Variants in TASOR observed in about 807,000 individuals in gnomAD.
TASOR encodes the protein transcription activation suppressor, also known as protein TASOR.
Under a neutral mutation model 178.6 loss-of-function variants are expected in TASOR, and 53 were observed. The ratio of observed to expected loss-of-function variants is 0.30; its 90% CI spans 0.24 to 0.37. TASOR has a LOEUF of 0.37. Among genes scored for constraint, TASOR ranks in the 10% least tolerant of loss-of-function variants. The probability of loss-of-function intolerance (pLI) is 1.00; values close to 1 mark genes in which losing one functional copy is unlikely to be tolerated. For synonymous variants in TASOR, 713 were observed against 696.2 expected, an observed-to-expected ratio of 1.02 and a Z score of -0.38; for missense variants, 1,815 against 1,971.4, an observed-to-expected ratio of 0.92 and a Z score of 1.50.
chr3:56,652,640 C>T (rs1036838713), intron 11 of TASOR, among the ~76,000 whole-genome samples: 13 of 151,696 alleles, frequency 8.6e-5, no homozygotes, highest in Admixed American at 7.9e-4. Context: ...CAAAGAATAC[C>T]GGAATATAAT....
chr3:56,642,308 G>A (rs1461153127), intron 14 of TASOR, among the ~76,000 whole-genome samples: 2 of 152,142 alleles, frequency 1.3e-5, no homozygotes, highest in African/African-American at 4.8e-5. Flanking sequence ...AAATCTCCAC[G>A]AAATTTGCAT....
At chr3:56,669,282 T>A (rs2030407072) in intron 5 of TASOR, among the ~76,000 whole-genome samples, 1 of 152,032 alleles carries the variant, frequency 6.6e-6, no homozygotes, top group Non-Finnish European at 1.5e-5. Flanking sequence ...CGCGGGTGGA[T>A]CACGAAGTCA....
At chr3:56,658,984 G>A (rs917502419) in intron 11 of TASOR, among the ~76,000 whole-genome samples, 15 of 150,924 alleles carry the variant, frequency 9.9e-5, no homozygotes, top group African/African-American at 3.2e-4. Flanking sequence ...GTGTGTGCAC[G>A]CGTGTGTGTT....
intron 15 of TASOR, among the ~76,000 whole-genome samples, chr3:56,640,730 C>T (rs759771025): frequency 7.2e-5 from 11 of 152,074 alleles, no homozygotes; most frequent in African/African-American, 1.2e-4. Flanking sequence ...CATAGGAATA[C>T]GGTGCAATCC....
In TASOR at chr3:56,629,405, G is replaced by A. The variant is rs1277322699; in HGVS notation, c.3748-791C>T. On this transcript the variant is annotated intron_variant, in intron 18 of 23. Transcript: ENST00000683822. ...ATTCTAAGTAGGCCCTTGGTTATTTGCAGCAGTATTAACTGGGATAAACGC... is the reference window on the plus strand; with the variant it reads ...ATTCTAAGTAGGCCCTTGGTTATTTACAGCAGTATTAACTGGGATAAACGC... Among the ~76,000 whole-genome samples, 9 of 152,210 alleles carry A rather than the reference G, an allele frequency of 5.9e-5. 1 individual carries two copies. In the South Asian group the frequency reaches 6.2e-4, roughly 11 times the overall value.
Position 56,683,182 on chromosome 3 carries a change from C to A in TASOR, c.-176G>T, listed in dbSNP as rs2031959053. The A allele has an allele frequency of 1.6e-6, 1 of 639,876 alleles. No homozygotes were observed. Among genetic ancestry groups the A allele is most frequent in the Non-Finnish European group, 2.6e-6 (1 of 386,594 alleles). 39.6% of individuals were successfully genotyped at this position (639,876 alleles called of 1,614,324 possible). A position where few individuals can be genotyped will look rare whatever the true frequency, so the allele number is the denominator to read the frequency against. On this transcript the variant is annotated 5_prime_UTR_variant, in exon 1 of 24. Transcript: ENST00000683822. ...GCCTCTTGGGGGGCCCTGTAGCGGG[C>A]ACCCCAAATGCGCTGCCCGGTCCTC... is the stretch of plus-strand genomic sequence containing the variant.
rs2076765417 is a variant in TASOR at position 56,624,949 on chromosome 3, A to G, written c.4197T>C (p.His1399=). Reference sequence around the variant, plus strand: ...TGTGGTATGACAAAATTTCAACCAGATGTTTCTTCTGATAGACATTCAGAA... The same window carrying G: ...TGTGGTATGACAAAATTTCAACCAGGTGTTTCTTCTGATAGACATTCAGAA... ...LTLLNVYQKK[H]LVEILSYHNC... The change falls in exon 22 of 24, where the codon CAT becomes CAC. Residue 1399 remains histidine (H), a synonymous_variant. Transcript: ENST00000683822. 6.2e-7 allele frequency: 1 copy of G among 1,614,178 alleles called. No individual in the cohort carries two copies. The highest frequency in any genetic ancestry group is 8.5e-7 in the Non-Finnish European group (1 of 1,180,008).
In TASOR at chr3:56,682,822, C is replaced by A; in HGVS notation, c.185G>T (p.Gly62Val). ...SGGAGREENA[G>V]AEAAQSLSHE... ...GCTGAGGCTCTGGGCGGCCTCGGCCCCCGCGTTCTCCTCACGCCCAGCGCC... is the reference window on the plus strand; with the variant it reads ...GCTGAGGCTCTGGGCGGCCTCGGCCACCGCGTTCTCCTCACGCCCAGCGCC... The change falls in exon 1 of 24, where the codon GGG (glycine) becomes GTG (valine). Residue 62 changes from glycine to valine, a missense_variant. Physicochemically the swap from Gly to Val is moderately radical, Grantham distance 109. Around this residue, in one of 5 missense-constraint regions of TASOR, gnomAD observed 244 missense variants for 202.7 expected, o/e 1.20. Coordinates refer to ENST00000683822, the MANE Select transcript of TASOR (RefSeq NM_001365635.2). 6.4e-7 allele frequency: 1 copy of A among 1,550,470 alleles called. No individual in the cohort carries two copies. Among genetic ancestry groups the A allele is most frequent in the Non-Finnish European group, 8.7e-7 (1 of 1,146,432 alleles).
chr3:56,662,258 C>A (rs969033819), intron 9 of TASOR, 127 bp downstream of exon 9: 2 of 608,536 alleles, frequency 3.3e-6, no homozygotes, highest in South Asian at 1.9e-5. Flanking sequence ...ATTTAAAAAA[C>A]AAACCAACAT....
intron 7 of TASOR, 113 bp downstream of exon 7, chr3:56,666,142 CAAGGG>C: frequency 2.6e-6 from 2 of 760,154 alleles, no homozygotes; most frequent in Non-Finnish European, 3.6e-6. Context: ...CAACCAACTT[CAAGGG>C]AAGTTAAAAA....
At chr3:56,649,993 G>A (rs1286607303) in intron 11 of TASOR, among the ~76,000 whole-genome samples, 1 of 152,218 alleles carries the variant, frequency 6.6e-6, no homozygotes, top group Non-Finnish European at 1.5e-5. Flanking sequence ...ATGTCCTTGA[G>A]AGCATATCCC....
At chr3:56,641,224 C>T (rs1478721270) in intron 15 of TASOR, 125 bp downstream of exon 15, 2 of 881,848 alleles carry the variant, frequency 2.3e-6, no homozygotes, top group African/African-American at 1.7e-5. Context: ...TAGACAGGCA[C>T]CTTTACTCAA....
At chr3:56,645,999 T>A (rs2077230282) in intron 14 of TASOR, among the ~76,000 whole-genome samples, 1 of 151,836 alleles carries the variant, frequency 6.6e-6, no homozygotes, top group Non-Finnish European at 1.5e-5. Context: ...ATACAAAAAA[T>A]TAGCCGGGCA....
At chr3:56,659,827 GTTCCT>G (rs1274589440) in intron 11 of TASOR, among the ~76,000 whole-genome samples, 1 of 151,984 alleles carries the variant, frequency 6.6e-6, no homozygotes, top group Non-Finnish European at 1.5e-5. Flanking sequence ...CTACTCTAGT[GTTCCT>G]TTATCTCCTC....
chr3:56,657,565 T>C (rs1578256651), intron 11 of TASOR, among the ~76,000 whole-genome samples: 1 of 152,172 alleles, frequency 6.6e-6, no homozygotes, highest in African/African-American at 2.4e-5. Context: ...ATTGCTCTGC[T>C]CCACAATAAT....
intron 15 of TASOR, 64 bp from the exon 16 acceptor site, chr3:56,640,194 T>G: frequency 6.8e-7 from 1 of 1,470,024 alleles, no homozygotes; most frequent in Non-Finnish European, 9.3e-7. Flanking sequence ...AAGAATAAAC[T>G]GTTTTTTCAC....
chr3:56,676,818 T>C (rs1256018014), intron 1 of TASOR, among the ~76,000 whole-genome samples: 1 of 152,192 alleles, frequency 6.6e-6, no homozygotes, highest in Non-Finnish European at 1.5e-5. Context: ...ACATTTCCAG[T>C]TGACTCTAAA....
intron 15 of TASOR, among the ~76,000 whole-genome samples, chr3:56,640,797 G>A (rs2077105413): frequency 6.6e-6 from 1 of 152,178 alleles, no homozygotes; most frequent in Non-Finnish European, 1.5e-5. Context: ...CTACTTCTCA[G>A]CTACAAACCA....
At chr3:56,657,010 A>C (rs1247906527) in intron 11 of TASOR, among the ~76,000 whole-genome samples, 1 of 145,864 alleles carries the variant, frequency 6.9e-6, no homozygotes, top group African/African-American at 2.5e-5. Flanking sequence ...AACACCGTCA[A>C]AAAAAAAAAA....
Sources: gnomAD v4.1 joint callset for allele counts (sites outside exome capture counted in the v4.1 genomes callset) on GRCh38, gnomAD v4.1.1 for gene constraint, gnomAD v4.1.1 regional missense constraint, MANE v1.5 for transcripts, NCBI Gene and HGNC (gene_info 2026-07-23, HGNC 2026-07-21) for gene names.